Variants in AGBL4 observed in about 807,000 individuals in gnomAD.
AGBL4 encodes the protein AGBL carboxypeptidase 4, also known as cytosolic carboxypeptidase 6.
AGBL4 carries 58 observed loss-of-function variants against 66.4 expected under a neutral mutation model. That is an observed-to-expected ratio of 0.87 (90% CI 0.71 to 1.09). The LOEUF is 1.09. Ranked by LOEUF, AGBL4 falls within the 50% of genes least tolerant of loss-of-function variation. AGBL4 has a pLI of 0.00. For synonymous variants in AGBL4, 234 were observed against 222.9 expected, an observed-to-expected ratio of 1.05 and a Z score of -0.44; for missense variants, 579 against 631.0, an observed-to-expected ratio of 0.92 and a Z score of 0.88.
At position 48,688,199 on chromosome 1, in the gene AGBL4, G is replaced by C. The variant is rs537766972; in HGVS notation, c.635-24958C>G. On this transcript the variant is annotated intron_variant, in intron 6 of 13. Coordinates refer to ENST00000371839, the MANE Select transcript of AGBL4 (RefSeq NM_032785.4). Reference sequence around the variant, plus strand: ...GACATTTATGCCACTGCATTCACAGGGTCCCTCAGTGGATCGTGAGAAACT... The same window carrying C: ...GACATTTATGCCACTGCATTCACAGCGTCCCTCAGTGGATCGTGAGAAACT... 4.6e-5 allele frequency among the ~76,000 whole-genome samples: 7 copies of C among 152,254 alleles called. No individual in the cohort carries two copies. In the East Asian group the frequency reaches 7.7e-4, roughly 17 times the overall value.
chr1:48,636,709 A>T (rs747056012), intron 8 of AGBL4, among the ~76,000 whole-genome samples: 1 of 152,224 alleles, frequency 6.6e-6, no homozygotes, highest in African/African-American at 2.4e-5. Flanking sequence ...AAAGTGATTA[A>T]GGACAGAGAG....
chr1:49,591,384 C>G (rs1644748889), intron 3 of AGBL4, among the ~76,000 whole-genome samples: 1 of 151,672 alleles, frequency 6.6e-6, no homozygotes, highest in South Asian at 2.1e-4. Flanking sequence ...TTATAAATAA[C>G]TTGTTATCAA....
chr1:48,723,217 T>C lies in AGBL4; in HGVS notation c.635-59976A>G, dbSNP rs115120160. On this transcript the variant is annotated intron_variant, in intron 6 of 13. Transcript: ENST00000371839. ...AAGGGCTGTGAGTGGAAACATTCTGTGTGGCTTGAAAGGGAAGAATTTGAA... is the reference window on the plus strand; with the variant it reads ...AAGGGCTGTGAGTGGAAACATTCTGCGTGGCTTGAAAGGGAAGAATTTGAA... Among the ~76,000 whole-genome samples, 622 of 152,248 alleles carry C rather than the reference T, an allele frequency of 4.1e-3. 2 individuals are homozygous for C. Among genetic ancestry groups the C allele is most frequent in the African/African-American group, 0.014 (593 of 41,540 alleles).
At chr1:49,094,404 T>C (rs1645054444) in intron 4 of AGBL4, among the ~76,000 whole-genome samples, 1 of 152,202 alleles carries the variant, frequency 6.6e-6, no homozygotes, top group Non-Finnish European at 1.5e-5. Context: ...GTGAACACAA[T>C]GCATTTTGTT....
intron 6 of AGBL4, among the ~76,000 whole-genome samples, chr1:48,723,254 G>A (rs180922168): frequency 1.4e-4 from 21 of 152,318 alleles, no homozygotes; most frequent in Non-Finnish European, 2.5e-4. Context: ...GACTTTGAAA[G>A]TCTCAGGGAG....
chr1:48,803,488 C>T (rs1009875186), intron 6 of AGBL4, among the ~76,000 whole-genome samples: 5 of 152,120 alleles, frequency 3.3e-5, no homozygotes, highest in Admixed American at 6.6e-5. Context: ...ATGCATTTTC[C>T]TGTCAATTTT....
chr1:49,372,644 TTTCTTTCTTTCTTTC>T lies in AGBL4; in HGVS notation c.283-126795_283-126781del, dbSNP rs1433117766. 9.3e-5 allele frequency among the ~76,000 whole-genome samples: 13 copies of T among 139,510 alleles called. No homozygotes were observed. In the East Asian group the frequency reaches 1.0e-3, roughly 11 times the overall value. The allele number at this position is 139,510 out of a possible 152,430, so 91.5% of individuals were successfully genotyped here. On this transcript the variant is annotated intron_variant, in intron 3 of 13. Transcript: ENST00000371839. Reference sequence around the variant, plus strand: ...CTTTCTTTCTTTCTTTCTTTCTTTCTTTCTTTCTTTCTTTCTTTCTTTCTTTCTTTCTTTCTCTTT... The same window carrying T: ...CTTTCTTTCTTTCTTTCTTTCTTTCTTTTCTTTCTTTCTTTCTTTCTCTTT...
rs115124041 is a variant in AGBL4 at position 48,919,288 on chromosome 1, T to C, written c.595-52058A>G. Among the ~76,000 whole-genome samples the C allele has an allele frequency of 2.6e-3, 399 of 152,294 alleles. 2 individuals are homozygous for C. Among genetic ancestry groups the C allele is most frequent in the African/African-American group, 9.0e-3 (376 of 41,564 alleles). ...AAAATAGATGCAGTTGGCTGGGATG[T>C]TGTTAAGGCTCCATGGACCACAATT... On this transcript the variant is annotated intron_variant, in intron 5 of 13. Coordinates refer to ENST00000371839, the MANE Select transcript of AGBL4 (RefSeq NM_032785.4).
At chr1:49,826,371 T>C (rs1645510785) in intron 2 of AGBL4, among the ~76,000 whole-genome samples, 1 of 152,228 alleles carries the variant, frequency 6.6e-6, no homozygotes, top group Non-Finnish European at 1.5e-5. Context: ...TCTGCCATAT[T>C]TAAGGGACAT....
At chr1:49,262,797 A>G (rs2148366646) in intron 3 of AGBL4, among the ~76,000 whole-genome samples, 1 of 152,338 alleles carries the variant, frequency 6.6e-6, no homozygotes, top group South Asian at 2.1e-4. Flanking sequence ...CAGCCATCCC[A>G]TTACTGGGTA....
chr1:49,327,621 A>G (rs1645251997), intron 3 of AGBL4, among the ~76,000 whole-genome samples: 1 of 152,230 alleles, frequency 6.6e-6, no homozygotes, highest in Admixed American at 6.5e-5. Flanking sequence ...ATAGTGGAAC[A>G]GACAGAAAAG....
intron 3 of AGBL4, among the ~76,000 whole-genome samples, chr1:49,288,762 T>G (rs1486424176): frequency 6.6e-6 from 1 of 152,150 alleles, no homozygotes; most frequent in Non-Finnish European, 1.5e-5. Flanking sequence ...ACTGTGCACT[T>G]GAGATGAAGG....
At chr1:49,234,602 C>A (rs944316124) in intron 4 of AGBL4, among the ~76,000 whole-genome samples, 2 of 151,992 alleles carry the variant, frequency 1.3e-5, no homozygotes, top group Non-Finnish European at 1.5e-5. Flanking sequence ...TTTTTTGTGG[C>A]CTTTGTGTTT....
At chr1:49,431,568 G>A (rs560741464) in intron 3 of AGBL4, among the ~76,000 whole-genome samples, 3 of 152,028 alleles carry the variant, frequency 2.0e-5, no homozygotes, top group South Asian at 2.1e-4. Flanking sequence ...ACAATGTCCC[G>A]GTTTATCAAG....
intron 4 of AGBL4, among the ~76,000 whole-genome samples, chr1:49,229,852 G>T (rs1040355702): frequency 6.6e-6 from 1 of 152,140 alleles, no homozygotes. Context: ...TGCCTGGTGT[G>T]AAGGATAAGG....
At chr1:49,017,656 G>C (rs1469596009) in intron 5 of AGBL4, among the ~76,000 whole-genome samples, 1 of 152,108 alleles carries the variant, frequency 6.6e-6, no homozygotes, top group Non-Finnish European at 1.5e-5. Flanking sequence ...GACTCCAGGA[G>C]GGCAGAAATC....
chr1:49,742,003 C>G (rs908540601), intron 2 of AGBL4, among the ~76,000 whole-genome samples: 1 of 152,176 alleles, frequency 6.6e-6, no homozygotes, highest in East Asian at 1.9e-4. Flanking sequence ...GACAGGGATG[C>G]CCTCTCTCGC....
intron 4 of AGBL4, among the ~76,000 whole-genome samples, chr1:49,218,775 G>A (rs1438298735): frequency 3.3e-5 from 5 of 152,052 alleles, no homozygotes; most frequent in Admixed American, 6.6e-5. Flanking sequence ...ATAATTCCAC[G>A]TGTCATGGGA....
chr1:49,203,873 T>G (rs1647921402), intron 4 of AGBL4, among the ~76,000 whole-genome samples: 2 of 152,230 alleles, frequency 1.3e-5, no homozygotes, highest in African/African-American at 4.8e-5. Flanking sequence ...TACAACAATA[T>G]GCATGTAGTT....
Sources: gnomAD v4.1 joint callset for allele counts (sites outside exome capture counted in the v4.1 genomes callset) on GRCh38, gnomAD v4.1.1 for gene constraint, MANE v1.5 for transcripts, NCBI Gene and HGNC (gene_info 2026-07-23, HGNC 2026-07-21) for gene names.